Variants in TGFB3 observed in about 807,000 individuals in gnomAD.
TGFB3 encodes transforming growth factor beta 3, also known as transforming growth factor beta-3 proprotein.
A neutral mutation model predicts 40.1 loss-of-function variants in TGFB3; 5 were observed. The observed-to-expected ratio is 0.12, with a 90% CI of 0.07 to 0.26. TGFB3 has a LOEUF of 0.26. TGFB3 is among the 10% of genes least tolerant of loss of function. The pLI, the probability that TGFB3 is intolerant of heterozygous loss-of-function variation, is 1.00. For missense variants in TGFB3, 373 were observed against 530.1 expected (o/e 0.70, Z 2.91); for synonymous variants, 184 against 205.6 (o/e 0.89, Z 0.90).
chr14:75,963,091 G>C (rs1455297499), intron 5 of TGFB3: 2 of 618,360 alleles, frequency 3.2e-6, no homozygotes, highest in African/African-American at 3.7e-5. Context: ...ACTTCAGCCA[G>C]CTCCTTCCAG....
Position 75,959,015 on chromosome 14 carries a change from C to G in TGFB3, c.*172G>C. 1.3e-6 allele frequency: 1 copy of G among 785,190 alleles called. No individual in the cohort carries two copies. The highest frequency in any genetic ancestry group is 2.1e-6 in the Non-Finnish European group (1 of 466,272). The allele number at this position is 785,190 out of a possible 1,614,324, so 48.6% of individuals were successfully genotyped here. A position where few individuals can be genotyped will look rare whatever the true frequency, so the allele number is the denominator to read the frequency against. On this transcript the variant is annotated 3_prime_UTR_variant, in exon 7 of 7. Coordinates refer to ENST00000238682, the MANE Select transcript of TGFB3 (RefSeq NM_003239.5). ...TTCTTTACCACCGTGATTCTCAGAGCCAGCAAGAAAGAAATGTTCCAAAAG... is the reference window on the plus strand; with the variant it reads ...TTCTTTACCACCGTGATTCTCAGAGGCAGCAAGAAAGAAATGTTCCAAAAG...
chr14:75,976,479 G>T (rs1164984965), intron 1 of TGFB3, among the ~76,000 whole-genome samples: 2 of 152,218 alleles, frequency 1.3e-5, no homozygotes, highest in African/African-American at 4.8e-5. Context: ...ACCGTTAAAT[G>T]AATTAGACAT....
At chr14:75,960,535 G>A (rs1595337470) in intron 6 of TGFB3, 1 of 219,080 alleles carries the variant, frequency 4.6e-6, no homozygotes, top group African/African-American at 2.3e-5. Flanking sequence ...CCTTGTTGTT[G>A]TCTTTCAGAG....
chr14:75,958,953 C>G lies in TGFB3; in HGVS notation c.*234G>C, dbSNP rs571031507. ...CTGCGTCACAGAAAGTCTGTGTGTT[C>G]TGAAGAGTTCAGCCTTCCTCTAACC... On this transcript the variant is annotated 3_prime_UTR_variant, in exon 7 of 7. Coordinates refer to ENST00000238682, the MANE Select transcript of TGFB3 (RefSeq NM_003239.5). The G allele has an allele frequency of 3.6e-6, 2 of 550,022 alleles. No individual in the cohort carries two copies. The highest frequency in any genetic ancestry group is 6.7e-6 in the Non-Finnish European group (2 of 300,084). 34.1% of individuals were successfully genotyped at this position (550,022 alleles called of 1,614,324 possible). A position where few individuals can be genotyped will look rare whatever the true frequency, so the allele number is the denominator to read the frequency against.
At chr14:75,982,525 C>A (rs1017737639), upstream of TGFB3, among the ~76,000 whole-genome samples, 2 of 152,306 alleles carry the variant, frequency 1.3e-5, no homozygotes, top group African/African-American at 2.4e-5. The surrounding 1 kb of genome is among the most constrained non-coding windows in gnomAD (Gnocchi z 4.0). Context: ...TTGACAAGAT[C>A]GGAGTCGGGA....
chr14:75,972,984 C>T (rs748089941), intron 1 of TGFB3, among the ~76,000 whole-genome samples: 2 of 152,190 alleles, frequency 1.3e-5, no homozygotes, highest in Non-Finnish European at 2.9e-5. Flanking sequence ...CTGGCCTCTT[C>T]ATCCCTGTCC....
chr14:75,964,821 G>A (rs1000817929), intron 4 of TGFB3, among the ~76,000 whole-genome samples: 3 of 152,186 alleles, frequency 2.0e-5, no homozygotes, highest in Non-Finnish European at 2.9e-5. Flanking sequence ...TTAAGAAAAG[G>A]CTGTAAAATA....
Position 75,971,005 on chromosome 14 carries a change from C to T in TGFB3, c.646+121G>A. 1 of 1,441,546 alleles carries T rather than the reference C, an allele frequency of 6.9e-7. No homozygotes were observed. The highest frequency in any genetic ancestry group is 9.6e-7 in the Non-Finnish European group (1 of 1,038,520). The allele number at this position is 1,441,546 out of a possible 1,614,324, so 89.3% of individuals were successfully genotyped here. A position where few individuals can be genotyped will look rare whatever the true frequency, so the allele number is the denominator to read the frequency against. On this transcript the variant is annotated intron_variant, in intron 3 of 6. Coordinates refer to ENST00000238682, the MANE Select transcript of TGFB3 (RefSeq NM_003239.5). This position sits in a 1 kb window ranked among gnomAD's most constrained non-coding sequence, Gnocchi z 4.5. ...TGAATGAATGGAGGATACTCAGTGG[C>T]AAAGCTAGGGTTTGAACCCAGATCT...
chr14:75,979,706 C>A lies in TGFB3; in HGVS notation c.352+836G>T, dbSNP rs931841252. Among the ~76,000 whole-genome samples the A allele has an allele frequency of 8.6e-5, 13 of 150,830 alleles. No homozygotes were observed. The highest frequency in any genetic ancestry group is 1.3e-4 in the Admixed American group (2 of 15,206). ...AGGCTCCCAGACATATCCCCCCCCC[C>A]CACCATGCACCCACTGCCACCCCTC... is the stretch of plus-strand genomic sequence containing the variant. On this transcript the variant is annotated intron_variant, in intron 1 of 6. Coordinates refer to ENST00000238682, the MANE Select transcript of TGFB3 (RefSeq NM_003239.5). The surrounding 1 kb of genome is among the most constrained non-coding windows in gnomAD (Gnocchi z 4.8).
At chr14:75,976,008 AT>A (rs1302615025) in intron 1 of TGFB3, among the ~76,000 whole-genome samples, 3 of 152,228 alleles carry the variant, frequency 2.0e-5, no homozygotes, top group Non-Finnish European at 2.9e-5. Flanking sequence ...CATTTTCTCT[AT>A]TTTGTTTAAC....
chr14:75,981,127 T>C lies in TGFB3; in HGVS notation c.-234A>G. 1.8e-6 allele frequency: 1 copy of C among 564,306 alleles called. No homozygotes were observed. Among genetic ancestry groups the C allele is most frequent in the Non-Finnish European group, 3.2e-6 (1 of 313,608 alleles). The allele number at this position is 564,306 out of a possible 1,614,324, so 35.0% of individuals were successfully genotyped here. On this transcript the variant is annotated 5_prime_UTR_variant, in exon 1 of 7. Coordinates refer to ENST00000238682, the MANE Select transcript of TGFB3 (RefSeq NM_003239.5). This position sits in a 1 kb window ranked among gnomAD's most constrained non-coding sequence, Gnocchi z 4.7. ...GTGTGCCTTGTAGCGCTGGGATTCTTGTCCATGTGTCTAAACAGGTTTTGC... is the reference window on the plus strand; with the variant it reads ...GTGTGCCTTGTAGCGCTGGGATTCTCGTCCATGTGTCTAAACAGGTTTTGC...
In TGFB3 at chr14:75,978,108, C is replaced by T. The variant is rs2035376767; in HGVS notation, c.352+2434G>A. On this transcript the variant is annotated intron_variant, in intron 1 of 6. Transcript: ENST00000238682. The surrounding 1 kb of genome is among the most constrained non-coding windows in gnomAD (Gnocchi z 5.0). ...GGACCTCTATCTCCTTGCCCTGGCT[C>T]CTACTGTCACTTTCCTTTGAATGCA... is the stretch of plus-strand genomic sequence containing the variant. 6.6e-6 allele frequency among the ~76,000 whole-genome samples: 1 copy of T among 152,100 alleles called. No homozygotes were observed. Among genetic ancestry groups the T allele is most frequent in the Non-Finnish European group, 1.5e-5 (1 of 68,020 alleles).
chr14:75,975,221 AG>A (rs2035339635), intron 1 of TGFB3, among the ~76,000 whole-genome samples: 1 of 151,590 alleles, frequency 6.6e-6, no homozygotes, highest in Non-Finnish European at 1.5e-5. Flanking sequence ...TACAAAAATT[AG>A]CTGGGTGTGG....
rs959467420 is a variant in TGFB3 at position 75,971,326 on chromosome 14, G to C, written c.517-71C>G. 13 of 1,609,972 alleles carry C rather than the reference G, an allele frequency of 8.1e-6. No homozygotes were observed. The highest frequency in any genetic ancestry group is 1.3e-5 in the African/African-American group (1 of 74,864). ...GCCCCAGAAGATGTCACAATGCAGAGCACAGGTGAGGGAGCGATAGGAAAC... is the reference window on the plus strand; with the variant it reads ...GCCCCAGAAGATGTCACAATGCAGACCACAGGTGAGGGAGCGATAGGAAAC... On this transcript the variant is annotated intron_variant, in intron 2 of 6. Transcript: ENST00000238682. This position sits in a 1 kb window ranked among gnomAD's most constrained non-coding sequence, Gnocchi z 4.5.
At chr14:75,969,532 G>A (rs1267175665) in intron 3 of TGFB3, among the ~76,000 whole-genome samples, 1 of 152,170 alleles carries the variant, frequency 6.6e-6, no homozygotes, top group Non-Finnish European at 1.5e-5. Flanking sequence ...GTAAAACATG[G>A]TAAAAACCAT....
intron 3 of TGFB3, among the ~76,000 whole-genome samples, chr14:75,968,283 TG>T (rs2140242487): frequency 6.6e-6 from 1 of 152,242 alleles, no homozygotes; most frequent in Non-Finnish European, 1.5e-5. Context: ...AAGAGACTCA[TG>T]GGCTCTCTGT....
In TGFB3 at chr14:75,980,671, T is replaced by C. The variant is rs778796326; in HGVS notation, c.223A>G (p.Ser75Gly). The change falls in exon 1 of 7, where the codon AGC becomes GGC. Residue 75 changes from serine to glycine, a missense_variant. Ser to Gly is a moderately conservative substitution (Grantham distance 56, BLOSUM62 0). Transcript: ENST00000238682. The surrounding 1 kb of genome is among the most constrained non-coding windows in gnomAD (Gnocchi z 4.3). ...VPYQVLALYN[S>G]TRELLEEMHG... ...ATCTCCTCCAGCAGCTCCCGGGTGC[T>C]GTTGTAAAGGGCCAGGACCTGATAG... 3 of 1,614,112 alleles carry C rather than the reference T, an allele frequency of 1.9e-6. No individual in the cohort carries two copies. Among genetic ancestry groups the C allele is most frequent in the African/African-American group, 1.3e-5 (1 of 74,928 alleles).
At chr14:75,966,435 C>A (rs578147559) in intron 3 of TGFB3, 1 of 152,952 alleles carries the variant, frequency 6.5e-6, no homozygotes, top group African/African-American at 2.4e-5. Context: ...AACAAGGACA[C>A]AACGAGGTAA....
rs1330137432 is a variant in TGFB3, at chr14:75,980,744, C to T, written c.150G>A (p.Lys50=). 1 of 1,614,202 alleles carries T rather than the reference C, an allele frequency of 6.2e-7. No homozygotes were observed. Residue 50 remains lysine (K), a synonymous_variant, in exon 1 of 7, where the codon AAG becomes AAA. Transcript: ENST00000238682. This position sits in a 1 kb window ranked among gnomAD's most constrained non-coding sequence, Gnocchi z 4.3. ...GCTCAGGGGGGCTGGTGAGCCTGAG[C>T]TTGCTCAAGATCTGTCCCCTAATGG... ...VEAIRGQILS[K]LRLTSPPEPT...
Sources: allele counts gnomAD v4.1 joint callset (sites outside exome capture counted in the v4.1 genomes callset), GRCh38; gene constraint gnomAD v4.1.1; non-coding constraint Gnocchi (gnomAD v3.1); transcripts MANE v1.5; gene names NCBI Gene and HGNC (gene_info 2026-07-23, HGNC 2026-07-21).